ITPK1: variants seen among roughly 807,000 people sequenced by gnomAD.
ITPK1 encodes inositol 1,3,4-trisphosphate 5/6-kinase.
ITPK1 carries 21 observed loss-of-function variants against 45.3 expected under a neutral mutation model. The ratio of observed to expected loss-of-function variants is 0.46; its 90% confidence interval spans 0.33 to 0.67. ITPK1 has a LOEUF of 0.67. Among genes scored for constraint, ITPK1 ranks in the 30% least tolerant of loss-of-function variants. The pLI is 0.02. For synonymous variants in ITPK1, 258 were observed against 253.6 expected, an observed-to-expected ratio of 1.02 and a Z score of -0.16; for missense variants, 474 against 573.5, an observed-to-expected ratio of 0.83 and a Z score of 1.77.
At chr14:93,073,478 T>TG (rs1295363544) in intron 3 of ITPK1, among the ~76,000 whole-genome samples, 1 of 152,188 alleles carries the variant, frequency 6.6e-6, no homozygotes, top group African/African-American at 2.4e-5. Flanking sequence ...AGTAAACCCA[T>TG]GATGCCTGGT....
In ITPK1 at chr14:92,936,927, ATTGT is replaced by A. The variant is rs1256790547; in HGVS notation, c.*4630_*4633del. 6.6e-6 allele frequency: 1 copy of A among 152,222 alleles called. No individual in the cohort carries two copies. Among genetic ancestry groups the A allele is most frequent in the Non-Finnish European group, 1.5e-5 (1 of 68,044 alleles). 9.4% of individuals were successfully genotyped at this position (152,222 alleles called of 1,614,324 possible). On this transcript the variant is annotated 3_prime_UTR_variant, in exon 11 of 11. Transcript: ENST00000267615. Reference sequence around the variant, plus strand: ...GGACACCCTCCGAACGGCTGGCGCTATTGTTTATTTCTTCATGTTTCCAAAAGTT... The same window carrying A: ...GGACACCCTCCGAACGGCTGGCGCTATTATTTCTTCATGTTTCCAAAAGTT...
intron 2 of ITPK1, among the ~76,000 whole-genome samples, chr14:93,083,452 A>C (rs1335639712): frequency 6.6e-6 from 1 of 152,294 alleles, no homozygotes; most frequent in Non-Finnish European, 1.5e-5. Context: ...AATGGTGAAG[A>C]AGCAAGGGAG....
chr14:92,941,342 G>A lies in ITPK1; in HGVS notation c.*219C>T. On this transcript the variant is annotated 3_prime_UTR_variant, in exon 11 of 11. Coordinates refer to ENST00000267615, the MANE Select transcript of ITPK1 (RefSeq NM_014216.6). ...AGGAGGTCTGCACAGTAGAGAGCAG[G>A]CGGACGGCCCCACTCCCCAACGGTG... is the stretch of plus-strand genomic sequence containing the variant. The A allele has an allele frequency of 1.4e-6, 2 of 1,411,106 alleles. No homozygotes were observed. The allele number at this position is 1,411,106 out of a possible 1,614,324, so 87.4% of individuals were successfully genotyped here.
rs952216303 is a variant in ITPK1 at position 93,115,888 on chromosome 14, C to A, written c.-259G>T. 2.0e-4 allele frequency: 29 copies of A among 146,318 alleles called. No homozygotes were observed. The highest frequency in any genetic ancestry group is 7.1e-4 in the African/African-American group (29 of 40,792). The allele number at this position is 146,318 out of a possible 1,614,324, so 9.1% of individuals were successfully genotyped here. On this transcript the variant is annotated 5_prime_UTR_variant, in exon 1 of 11. Transcript: ENST00000267615. The stretch of plus-strand genomic sequence containing the variant: ...CCTGCCCGCCGCCGCCCCGCGCTGG[C>A]CCGGCCGCCCCGCTTGAGCCCGCGG...
intron 4 of ITPK1, among the ~76,000 whole-genome samples, chr14:93,011,397 T>G (rs1205487340): frequency 1.3e-5 from 2 of 152,224 alleles, no homozygotes; most frequent in Non-Finnish European, 2.9e-5. Flanking sequence ...CCTACTCACT[T>G]CCTGTCCCCT....
chr14:92,983,261 A>G (rs1886318428), intron 5 of ITPK1, among the ~76,000 whole-genome samples: 1 of 152,192 alleles, frequency 6.6e-6, no homozygotes, highest in African/African-American at 2.4e-5. Context: ...TTCTGGACCC[A>G]GGCAGACGCT....
intron 5 of ITPK1, among the ~76,000 whole-genome samples, chr14:92,964,647 C>T (rs946895174): frequency 6.6e-6 from 1 of 152,228 alleles, no homozygotes; most frequent in East Asian, 1.9e-4. Context: ...CGGGCGCTCA[C>T]CAGCCTGGGC....
chr14:93,066,306 A>ATGTGTG lies in ITPK1; in HGVS notation c.120+10283_120+10288dup, dbSNP rs530096242. ...GGTGTGCGTGCGTGTGTGCGCGTGC[A>ATGTGTG]TGTGTGTGTGTGTATGTGTGTGTGT... On this transcript the variant is annotated intron_variant, in intron 3 of 10. Transcript: ENST00000267615. 6.7e-3 allele frequency: 2,896 copies of ATGTGTG among 434,462 alleles called. 14 individuals are homozygous for ATGTGTG. The highest frequency in any genetic ancestry group is 8.1e-3 in the Non-Finnish European group (1,762 of 218,356). 26.9% of individuals were successfully genotyped at this position (434,462 alleles called of 1,614,324 possible). A position where few individuals can be genotyped will look rare whatever the true frequency, so the allele number is the denominator to read the frequency against.
At chr14:93,067,727 C>T (rs1287594485) in intron 3 of ITPK1, 1 of 152,058 alleles carries the variant, frequency 6.6e-6, no homozygotes, top group Non-Finnish European at 1.5e-5. Flanking sequence ...TATGAGCAGA[C>T]CTCATTTATA....
chr14:92,989,580 G>C (rs899632140), intron 5 of ITPK1, among the ~76,000 whole-genome samples: 1 of 152,276 alleles, frequency 6.6e-6, no homozygotes, highest in African/African-American at 2.4e-5. Flanking sequence ...CCTTGGCTTT[G>C]GGGCTTCCAT....
intron 5 of ITPK1, among the ~76,000 whole-genome samples, chr14:92,979,610 C>T (rs1886113678): frequency 6.6e-6 from 1 of 152,104 alleles, no homozygotes; most frequent in South Asian, 2.1e-4. Flanking sequence ...TGAAATCTAG[C>T]ATGTCGCACT....
At chr14:93,038,286 C>G (rs1165410975) in intron 3 of ITPK1, among the ~76,000 whole-genome samples, 2 of 152,162 alleles carry the variant, frequency 1.3e-5, no homozygotes, top group East Asian at 3.8e-4. Flanking sequence ...CTGCCCACCT[C>G]AGCCTCCCAA....
chr14:92,989,868 C>A (rs1886692258), intron 5 of ITPK1, among the ~76,000 whole-genome samples: 1 of 152,036 alleles, frequency 6.6e-6, no homozygotes, highest in South Asian at 2.1e-4. Context: ...AAGGTAGGGC[C>A]CTGGCATGCT....
chr14:93,021,348 T>C (rs1258447936), intron 3 of ITPK1, among the ~76,000 whole-genome samples: 7 of 152,080 alleles, frequency 4.6e-5, no homozygotes, highest in Admixed American at 3.9e-4. Context: ...ATCCCAGCAC[T>C]TTGGGAGGCC....
intron 5 of ITPK1, among the ~76,000 whole-genome samples, chr14:92,983,309 C>T (rs990157496): frequency 3.3e-5 from 5 of 152,200 alleles, no homozygotes; most frequent in African/African-American, 4.8e-5. Context: ...GCTCCCAAAA[C>T]ATGGCAGCCT....
At chr14:93,059,557 G>A (rs1468031217) in intron 3 of ITPK1, among the ~76,000 whole-genome samples, 33 of 54,140 alleles carry the variant, frequency 6.1e-4, no homozygotes, top group African/African-American at 2.7e-3. Context: ...TGAGGCAGGG[G>A]TGGAGGGGGT....
At position 93,067,786 on chromosome 14, in the gene ITPK1, G is replaced by A. The variant is rs1473220653; in HGVS notation, c.120+8809C>T. ...ATCATCATTATTAAAAAACACTATG[G>A]GGATCATGCTTTCACATAACTTTGT... On this transcript the variant is annotated intron_variant, in intron 3 of 10. Transcript: ENST00000267615. 3 of 152,856 alleles carry A rather than the reference G, an allele frequency of 2.0e-5. No homozygotes were observed. The Admixed American group carries it at 2.0e-4, about 10-fold the overall frequency. The allele number at this position is 152,856 out of a possible 1,614,324, so 9.5% of individuals were successfully genotyped here. A position where few individuals can be genotyped will look rare whatever the true frequency, so the allele number is the denominator to read the frequency against.
Position 92,952,093 on chromosome 14 carries a change from G to A in ITPK1, c.671-80C>T. 5.3e-6 allele frequency: 6 copies of A among 1,142,444 alleles called. 1 individual carries two copies. The South Asian group carries it at 7.9e-5, about 15-fold the overall frequency. The allele number at this position is 1,142,444 out of a possible 1,614,324, so 70.8% of individuals were successfully genotyped here. A position where few individuals can be genotyped will look rare whatever the true frequency, so the allele number is the denominator to read the frequency against. ...TGCCGCCACCTGACACCAGGGGGCA[G>A]CATCACCCCAGGCACACAACACGTG... On this transcript the variant is annotated intron_variant, in intron 8 of 10. Coordinates refer to ENST00000267615, the MANE Select transcript of ITPK1 (RefSeq NM_014216.6).
chr14:92,974,885 A>G (rs1300688619), intron 5 of ITPK1, among the ~76,000 whole-genome samples: 1 of 152,236 alleles, frequency 6.6e-6, no homozygotes, highest in African/African-American at 2.4e-5. Context: ...CTGTGGTCAC[A>G]GGAGGAGCGG....
Sources: allele counts gnomAD v4.1 joint callset (sites outside exome capture counted in the v4.1 genomes callset), GRCh38; gene constraint gnomAD v4.1.1; transcripts MANE v1.5; gene names NCBI Gene and HGNC (gene_info 2026-07-23, HGNC 2026-07-21).